The following PCDHGB5 variants were observed in gnomAD, a reference collection of about 807,000 sequenced individuals.
PCDHGB5 encodes the protein protocadherin gamma subfamily B, 5.
PCDHGB5 carries 48 observed loss-of-function variants against 62.9 expected under a neutral mutation model. That is an observed-to-expected ratio of 0.76 (90% confidence interval 0.61 to 0.97). The LOEUF is 0.97. Among genes scored for constraint, PCDHGB5 ranks in the 50% least tolerant of loss-of-function variants. The probability of loss-of-function intolerance (pLI) is 0.00; values close to 1 mark genes in which losing one functional copy is unlikely to be tolerated. For missense variants in PCDHGB5, 1,118 were observed against 1,198.6 expected (o/e 0.93, Z 0.99); for synonymous variants, 474 against 511.2 (o/e 0.93, Z 0.98).
chr5:141,490,985 C>T lies in PCDHGB5; in HGVS notation c.2398-3822C>T. On this transcript the variant is annotated intron_variant, in intron 1 of 3. Transcript: ENST00000617380. This position sits in a 1 kb window ranked among gnomAD's most constrained non-coding sequence, Gnocchi z 5.4. ...TCAGCCCCCCAGCGTCTCCCTCGCT[C>T]TGCTCCTCCTGGCTCCTTGGTCACC... The T allele has an allele frequency of 1.9e-6, 3 of 1,614,128 alleles. No individual in the cohort carries two copies. The highest frequency in any genetic ancestry group is 2.5e-6 in the Non-Finnish European group (3 of 1,180,032).
At chr5:141,419,962 G>A in intron 1 of PCDHGB5, 1 of 1,614,092 alleles carries the variant, frequency 6.2e-7, no homozygotes, top group African/African-American at 1.3e-5. Context: ...TGATTTCTGT[G>A]CTCTTTCTCC....
intron 3 of PCDHGB5, chr5:141,507,418 A>T (rs2099860509): frequency 6.6e-6 from 1 of 152,204 alleles, no homozygotes; most frequent in Non-Finnish European, 1.5e-5. Context: ...CTGTGAGGTT[A>T]AGTGGGGCCA....
rs577239742 is a variant in PCDHGB5 at position 141,501,564 on chromosome 5, T to C, written c.2457-3829T>C. ...CATAAGATCATAGGCCCTGGAATCA[T>C]ATTAGGCTGGCTTTCAGGTTGCAAC... On this transcript the variant is annotated intron_variant, in intron 2 of 3. Coordinates refer to ENST00000617380, the MANE Select transcript of PCDHGB5 (RefSeq NM_018925.3). 5.9e-5 allele frequency among the ~76,000 whole-genome samples: 9 copies of C among 152,194 alleles called. No individual in the cohort carries two copies. The South Asian group carries it at 1.7e-3, about 28-fold the overall frequency.
Position 141,432,741 on chromosome 5 carries a change from C to A in PCDHGB5, c.2397+32217C>A. 6.2e-7 allele frequency: 1 copy of A among 1,614,106 alleles called. No individual in the cohort carries two copies. The highest frequency in any genetic ancestry group is 8.5e-7 in the Non-Finnish European group (1 of 1,179,988). On this transcript the variant is annotated intron_variant, in intron 1 of 3. Transcript: ENST00000617380. The surrounding 1 kb of genome is among the most constrained non-coding windows in gnomAD (Gnocchi z 6.0). ...CCTCTCTCCGCCACTGTCACGCTCA[C>A]CGTGGCCGTGGCCGACAGCATCCCC...
intron 2 of PCDHGB5, among the ~76,000 whole-genome samples, chr5:141,499,015 AG>A (rs2099788530): frequency 6.6e-6 from 1 of 151,284 alleles, no homozygotes; most frequent in Non-Finnish European, 1.5e-5. Context: ...GAAGGAAGGA[AG>A]GAAGGAAGGA....
At chr5:141,413,020 C>G in intron 1 of PCDHGB5, 7 of 693,768 alleles carry the variant, frequency 1.0e-5, no homozygotes, top group Non-Finnish European at 1.4e-5. Context: ...CTACACAAGC[C>G]CCACAAACCG....
At position 141,491,291 on chromosome 5, in the gene PCDHGB5, C is replaced by G; in HGVS notation, c.2398-3516C>G. On this transcript the variant is annotated intron_variant, in intron 1 of 3. Coordinates refer to ENST00000617380, the MANE Select transcript of PCDHGB5 (RefSeq NM_018925.3). The surrounding 1 kb of genome is among the most constrained non-coding windows in gnomAD (Gnocchi z 6.9). ...AAATCCAGTGACTTCCTCATACACCCTCCTGAGCGTTCAGACCTTACCCTT... is the reference window on the plus strand; with the variant it reads ...AAATCCAGTGACTTCCTCATACACCGTCCTGAGCGTTCAGACCTTACCCTT... 2 of 1,614,152 alleles carry G rather than the reference C, an allele frequency of 1.2e-6. No homozygotes were observed. The highest frequency in any genetic ancestry group is 1.7e-6 in the Non-Finnish European group (2 of 1,179,974).
At chr5:141,414,245 T>A in intron 1 of PCDHGB5, 2 of 1,613,498 alleles carry the variant, frequency 1.2e-6, no homozygotes, top group Non-Finnish European at 1.7e-6. Context: ...ACGTCTCTAT[T>A]TAGTCCAGTG....
At chr5:141,510,296 G>A (rs999749575) in intron 3 of PCDHGB5, among the ~76,000 whole-genome samples, 6 of 149,608 alleles carry the variant, frequency 4.0e-5, no homozygotes, top group African/African-American at 1.5e-4. Flanking sequence ...AAAAAATGCT[G>A]TTTTGAAATG....
chr5:141,426,766 T>C (rs2096958771), intron 1 of PCDHGB5: 1 of 456,532 alleles, frequency 2.2e-6, no homozygotes, highest in South Asian at 1.5e-5. Flanking sequence ...GATGCAGATG[T>C]AGGGCCTCAC....
At chr5:141,419,792 G>T (rs1379811891) in intron 1 of PCDHGB5, 15 of 1,613,924 alleles carry the variant, frequency 9.3e-6, no homozygotes, top group African/African-American at 2.7e-5. Flanking sequence ...CCTGCTAGTC[G>T]CTGTAAGAGA....
intron 1 of PCDHGB5, chr5:141,426,739 GC>G (rs1345744337): frequency 8.8e-6 from 4 of 453,408 alleles, no homozygotes; most frequent in Non-Finnish European, 1.8e-5. Flanking sequence ...ATTCGGTTTG[GC>G]CTGGAATCTG....
In PCDHGB5 at chr5:141,428,992, C is replaced by A. The variant is rs986416866; in HGVS notation, c.2397+28468C>A. The A allele has an allele frequency of 1.3e-4, 20 of 152,092 alleles. 1 individual carries two copies. Among genetic ancestry groups the A allele is most frequent in the Admixed American group, 1.2e-3 (18 of 15,248 alleles). 9.4% of individuals were successfully genotyped at this position (152,092 alleles called of 1,614,324 possible). On this transcript the variant is annotated intron_variant, in intron 1 of 3. Transcript: ENST00000617380. Reference sequence around the variant, plus strand: ...GCCTCAGCCTCCCGGGTAGCTGGGACTACAGGCGCCCGCCACCACGCCCGG... The same window carrying A: ...GCCTCAGCCTCCCGGGTAGCTGGGAATACAGGCGCCCGCCACCACGCCCGG...
intron 1 of PCDHGB5, chr5:141,412,426 A>G (rs1051574976): frequency 2.6e-5 from 4 of 152,234 alleles, no homozygotes; most frequent in African/African-American, 9.6e-5. Context: ...GTTTTACACA[A>G]AAAGGTTAAT....
chr5:141,478,384 T>G, intron 1 of PCDHGB5: 1 of 1,613,658 alleles, frequency 6.2e-7, no homozygotes, highest in South Asian at 1.1e-5. Context: ...CGCCGCACCT[T>G]TACCATCAGG....
In PCDHGB5 at chr5:141,418,490, G is replaced by A. The variant is rs1473964718; in HGVS notation, c.2397+17966G>A. On this transcript the variant is annotated intron_variant, in intron 1 of 3. Coordinates refer to ENST00000617380, the MANE Select transcript of PCDHGB5 (RefSeq NM_018925.3). Reference sequence around the variant, plus strand: ...AGAAACGCAGAGCGCTCACCACTTGGTACTGACCGCCTTAGATGGTGGGGA... The same window carrying A: ...AGAAACGCAGAGCGCTCACCACTTGATACTGACCGCCTTAGATGGTGGGGA... 5.6e-6 allele frequency: 9 copies of A among 1,613,996 alleles called. No homozygotes were observed. In the East Asian group the frequency reaches 1.6e-4, roughly 28 times the overall value.
At chr5:141,500,866 A>G (rs576713520) in intron 2 of PCDHGB5, among the ~76,000 whole-genome samples, 19 of 146,112 alleles carry the variant, frequency 1.3e-4, no homozygotes, top group South Asian at 4.3e-4. Context: ...AAACATACAC[A>G]TTCATTTACA....
chr5:141,501,442 T>C (rs1202229661), intron 2 of PCDHGB5, among the ~76,000 whole-genome samples: 1 of 152,016 alleles, frequency 6.6e-6, no homozygotes, highest in African/African-American at 2.4e-5. Context: ...ATTTCTTCCA[T>C]TTTTACTTTT....
chr5:141,407,009 T>C (rs1388688972), intron 1 of PCDHGB5, among the ~76,000 whole-genome samples: 1 of 152,198 alleles, frequency 6.6e-6, no homozygotes, highest in Non-Finnish European at 1.5e-5. Flanking sequence ...AGCTTTGAAG[T>C]TGACTCAAAA....
Sources: allele counts gnomAD v4.1 joint callset (sites outside exome capture counted in the v4.1 genomes callset), GRCh38; gene constraint gnomAD v4.1.1; non-coding constraint Gnocchi (gnomAD v3.1); transcripts MANE v1.5; gene names NCBI Gene and HGNC (gene_info 2026-07-23, HGNC 2026-07-21).